Variants in MRTFB observed in about 807,000 individuals in gnomAD.
MRTFB encodes the protein myocardin related transcription factor B.
In MRTFB, 29 loss-of-function variants were observed where a neutral mutation model predicts 104.2. The observed-to-expected ratio is 0.28, with a 90% confidence interval of 0.21 to 0.38. The LOEUF is 0.38. Ranked by LOEUF, MRTFB falls within the 10% of genes least tolerant of loss-of-function variation. The probability of loss-of-function intolerance (pLI) is 1.00; values close to 1 mark genes in which losing one functional copy is unlikely to be tolerated. For synonymous variants in MRTFB, 535 were observed against 519.5 expected (o/e 1.03, Z -0.41); for missense variants, 1,270 against 1,341.6 (o/e 0.95, Z 0.83).
intron 2 of MRTFB, 45 bp downstream of exon 2, chr16:14,079,399 C>A (rs13334806): frequency 0.17 from 58,136 of 339,124 alleles, 10,246 homozygotes; most frequent in African/African-American, 0.57. Context: ...ACTGTAATTT[C>A]TTTCTTTCTT....
At chr16:14,183,567 CAAT>C (rs2039842268) in intron 3 of MRTFB, among the ~76,000 whole-genome samples, 7 of 151,878 alleles carry the variant, frequency 4.6e-5, no homozygotes, top group African/African-American at 1.5e-4. Flanking sequence ...AAGCAGTCAT[CAAT>C]ATCATCTTGA....
the MRTFB span, among the ~76,000 whole-genome samples, chr16:14,023,168 G>A: frequency 1.1e-3 from 170 of 152,282 alleles, 1 homozygote; most frequent in African/African-American, 3.7e-3. Context: ...ACTGGGGACA[G>A]TGGCTCACAC....
intron 3 of MRTFB, among the ~76,000 whole-genome samples, chr16:14,181,400 C>G (rs1341411004): frequency 6.6e-6 from 1 of 152,032 alleles, no homozygotes; most frequent in Non-Finnish European, 1.5e-5. Context: ...TAAATACATC[C>G]AATCTCATTA....
At chr16:14,161,085 CTTTTTTTT>C (rs57360069) in intron 3 of MRTFB, among the ~76,000 whole-genome samples, 6 of 53,130 alleles carry the variant, frequency 1.1e-4, no homozygotes, top group African/African-American at 1.9e-4. Context: ...AATGCCAGGA[CTTTTTTTT>C]TTTTTTTTTT....
chr16:14,172,790 C>A (rs375063357), intron 3 of MRTFB, among the ~76,000 whole-genome samples: 2 of 152,084 alleles, frequency 1.3e-5, no homozygotes, highest in African/African-American at 4.8e-5. Context: ...TGTTTAAGGA[C>A]CATTTCAGAA....
At chr16:14,147,777 C>G (rs1432207431) in intron 3 of MRTFB, among the ~76,000 whole-genome samples, 1 of 152,158 alleles carries the variant, frequency 6.6e-6, no homozygotes, top group East Asian at 1.9e-4. Flanking sequence ...ACCTCTGAAG[C>G]TCATTTTGAG....
At chr16:14,046,014 G>A in the MRTFB span, among the ~76,000 whole-genome samples, 1 of 152,154 alleles carries the variant, frequency 6.6e-6, no homozygotes, top group African/African-American at 2.4e-5. Flanking sequence ...AAGTCATGCG[G>A]GATCTGAAAT....
the MRTFB span, among the ~76,000 whole-genome samples, chr16:14,053,825 T>C: frequency 2.0e-5 from 3 of 151,982 alleles, no homozygotes; most frequent in South Asian, 4.2e-4. Flanking sequence ...GAGTTCAAGG[T>C]TGCAGTGAGC....
intron 3 of MRTFB, among the ~76,000 whole-genome samples, chr16:14,207,852 C>T (rs1411211427): frequency 6.6e-6 from 1 of 152,174 alleles, no homozygotes; most frequent in East Asian, 1.9e-4. Flanking sequence ...ATGGGAACCT[C>T]CCAACTTTAT....
At chr16:14,017,389 T>C in the MRTFB span, among the ~76,000 whole-genome samples, 23 of 151,336 alleles carry the variant, frequency 1.5e-4, 1 homozygote, top group Non-Finnish European at 2.1e-4. Flanking sequence ...AAAGAGAGAA[T>C]TGGAGAATGG....
intron 2 of MRTFB, among the ~76,000 whole-genome samples, chr16:14,111,016 CTCTT>C (rs1381363916): frequency 1.3e-5 from 2 of 152,178 alleles, no homozygotes; most frequent in Non-Finnish European, 2.9e-5. Context: ...ACTTTGTTTT[CTCTT>C]TCTAACACAC....
Position 14,252,476 on chromosome 16 carries a change from C to G in MRTFB, c.2677C>G (p.Arg893Gly). 6.2e-7 allele frequency: 1 copy of G among 1,613,898 alleles called. No individual in the cohort carries two copies. The highest frequency in any genetic ancestry group is 8.5e-7 in the Non-Finnish European group (1 of 1,179,990). The change falls in exon 15 of 17, where the codon CGC becomes GGC. Residue 893 changes from arginine to glycine, a missense_variant. Physicochemically the swap from Arg to Gly is moderately radical, Grantham distance 125. This residue lies in a region of MRTFB where 1,144 missense variants were observed against 1,131.5 expected (regional missense o/e 1.01). Transcript: ENST00000571589. ...PRYEEAIKQT[R>G]STQAPLPEIS... The stretch of plus-strand genomic sequence containing the variant: ...CTATGAGGAGGCCATCAAGCAGACA[C>G]GCAGCACACAGGCCCCTCTGCCAGA...
chr16:14,203,602 G>A (rs1316580658), intron 3 of MRTFB, among the ~76,000 whole-genome samples: 3 of 151,994 alleles, frequency 2.0e-5, no homozygotes, highest in African/African-American at 7.3e-5. Flanking sequence ...AGGAGTTGGA[G>A]ACCAGCCTGG....
intron 1 of MRTFB, among the ~76,000 whole-genome samples, chr16:14,075,538 G>A (rs1436233872): frequency 6.6e-6 from 1 of 152,246 alleles, no homozygotes; most frequent in East Asian, 1.9e-4. Flanking sequence ...CCTCCTCCAG[G>A]GTCTCTCTCT....
At chr16:14,042,274 C>T in the MRTFB span, among the ~76,000 whole-genome samples, 10 of 152,072 alleles carry the variant, frequency 6.6e-5, 1 homozygote, top group Middle Eastern at 3.4e-3. Context: ...TACAGGCACC[C>T]GCCACCACGC....
At chr16:14,079,390 C>G (rs1488295118) in intron 2 of MRTFB, 36 bp downstream of exon 2, 3 of 344,830 alleles carry the variant, frequency 8.7e-6, no homozygotes, top group Non-Finnish European at 1.6e-5. Context: ...AACAAAGAAA[C>G]TGTAATTTCT....
At chr16:14,021,327 G>T in the MRTFB span, among the ~76,000 whole-genome samples, 1 of 152,174 alleles carries the variant, frequency 6.6e-6, no homozygotes, top group Non-Finnish European at 1.5e-5. Context: ...TGATCGTAGA[G>T]GCAGCCTGCA....
intron 9 of MRTFB, among the ~76,000 whole-genome samples, chr16:14,238,298 G>C (rs2042611811): frequency 6.6e-6 from 1 of 152,130 alleles, no homozygotes. Context: ...GACAGAATTA[G>C]GTAAAGGTTT....
rs762915707 is a variant in MRTFB, at chr16:14,157,521, C to T, written c.154+16761C>T. On this transcript the variant is annotated intron_variant, in intron 3 of 16. Transcript: ENST00000571589. ...TGGTTCACAGGGCCACCCCTTACTG[C>T]CCACATGAGCTATTGTGTGCCTGTC... is the stretch of plus-strand genomic sequence containing the variant. Among the ~76,000 whole-genome samples the T allele has an allele frequency of 9.2e-5, 14 of 152,278 alleles. 1 individual carries two copies. The highest frequency in any genetic ancestry group is 4.1e-4 in the South Asian group (2 of 4,822).
Sources: allele counts gnomAD v4.1 joint callset (sites outside exome capture counted in the v4.1 genomes callset), GRCh38; gene constraint gnomAD v4.1.1; regional missense constraint gnomAD v4.1.1; transcripts MANE v1.5; gene names NCBI Gene and HGNC (gene_info 2026-07-23, HGNC 2026-07-21).